The following ATXN7L2 variants were observed in gnomAD, a reference collection of about 807,000 sequenced individuals.
ATXN7L2 encodes the protein ataxin-7-like protein 2.
Under a neutral mutation model 59.6 loss-of-function variants are expected in ATXN7L2, and 17 were observed. The observed-to-expected ratio is 0.29, with a 90% confidence interval of 0.20 to 0.43. The LOEUF is 0.43. Ranked by LOEUF, ATXN7L2 falls within the 20% of genes least tolerant of loss-of-function variation. The probability of loss-of-function intolerance (pLI) is 1.00; values close to 1 mark genes in which losing one functional copy is unlikely to be tolerated. For synonymous variants in ATXN7L2, 378 were observed against 392.5 expected (o/e 0.96, Z 0.44); for missense variants, 858 against 1,008.9 (o/e 0.85, Z 2.03).
intron 1 of ATXN7L2, 131 bp downstream of exon 1, chr1:109,484,211 C>G: frequency 1.0e-6 from 1 of 1,000,250 alleles, no homozygotes; most frequent in East Asian, 3.5e-5. Flanking sequence ...AACAAAGGAC[C>G]CGCCGGGTCC....
At chr1:109,485,723 A>G (rs1194501227) in intron 1 of ATXN7L2, 1 of 1,031,614 alleles carries the variant, frequency 9.7e-7, no homozygotes, top group African/African-American at 1.7e-5. Flanking sequence ...CCAACTAGTT[A>G]GCAGTGGAAC....
Position 109,488,331 on chromosome 1 carries a change from T to G in ATXN7L2, c.797-52T>G. ...TTGGCAGGAAGCGGCCAAATCCTCC[T>G]GTAAACTCCTGGAAATGGTCTTGAG... On this transcript the variant is annotated intron_variant, in intron 5 of 10. Transcript: ENST00000683729. This position sits in a 1 kb window ranked among gnomAD's most constrained non-coding sequence, Gnocchi z 5.0. 6.5e-7 allele frequency: 1 copy of G among 1,527,202 alleles called. No homozygotes were observed. The highest frequency in any genetic ancestry group is 8.9e-7 in the Non-Finnish European group (1 of 1,119,980). The allele number at this position is 1,527,202 out of a possible 1,614,324, so 94.6% of individuals were successfully genotyped here.
At chr1:109,492,335 T>C (rs1270060608) in intron 10 of ATXN7L2, among the ~76,000 whole-genome samples, 3 of 152,178 alleles carry the variant, frequency 2.0e-5, no homozygotes, top group Non-Finnish European at 2.9e-5. Flanking sequence ...AGGAGGGACT[T>C]ACTGGAGGTG....
chr1:109,491,400 C>T lies in ATXN7L2; in HGVS notation c.1933C>T (p.Leu645Phe), dbSNP rs1657053970. 1 of 1,614,256 alleles carries T rather than the reference C, an allele frequency of 6.2e-7. No individual in the cohort carries two copies. The highest frequency in any genetic ancestry group is 8.5e-7 in the Non-Finnish European group (1 of 1,180,054). ...AKTKTALSMGLNGTMGPRVKR... is the reference protein window; with the variant it reads ...AKTKTALSMGFNGTMGPRVKR... ...AACTAAAACAGCCCTGAGCATGGGG[C>T]TTAATGGGACAATGGGGCCAAGAGT... The change falls in exon 10 of 11, where the codon CTT becomes TTT. Residue 645 changes from leucine to phenylalanine, a missense_variant. Around this residue, in one of 3 missense-constraint regions of ATXN7L2, gnomAD observed 734 missense variants for 862.3 expected, o/e 0.85. Transcript: ENST00000683729. This position sits in a 1 kb window ranked among gnomAD's most constrained non-coding sequence, Gnocchi z 4.1.
rs1656953244 is a variant in ATXN7L2 at position 109,490,368 on chromosome 1, G to A, written c.1430G>A (p.Arg477Gln). ...TCAGCACTCAGCTCCATGCTGGAAC[G>A]GCACCTCAGCACACACATGTGGAAG... ...FCSALSSMLE[R>Q]HLSTHMWKKI... The change falls in exon 9 of 11, where the codon CGG becomes CAG. Residue 477 changes from arginine (R) to glutamine (Q), a missense_variant. Arg to Gln is a conservative substitution (Grantham distance 43, BLOSUM62 1). Coordinates refer to ENST00000683729, the MANE Select transcript of ATXN7L2 (RefSeq NM_001350175.2). The A allele has an allele frequency of 1.9e-6, 3 of 1,613,520 alleles. No individual in the cohort carries two copies. Among genetic ancestry groups the A allele is most frequent in the South Asian group, 1.1e-5 (1 of 91,084 alleles).
chr1:109,490,450 A>G lies in ATXN7L2; in HGVS notation c.1454+58A>G, dbSNP rs1040673539. 17 of 1,585,490 alleles carry G rather than the reference A, an allele frequency of 1.1e-5. No individual in the cohort carries two copies. In the African/African-American group the frequency reaches 1.1e-4, roughly 10 times the overall value. On this transcript the variant is annotated intron_variant, in intron 9 of 10. Coordinates refer to ENST00000683729, the MANE Select transcript of ATXN7L2 (RefSeq NM_001350175.2). ...GAATGGAAATTCCTAGGTTCCAGAC[A>G]TACTTGGGCTTCAGAAGCCCTGATC... is the stretch of plus-strand genomic sequence containing the variant.
Position 109,491,310 on chromosome 1 carries a change from C to T in ATXN7L2, c.1843C>T (p.Arg615Trp), listed in dbSNP as rs527573916. The change falls in exon 10 of 11, where the codon CGG becomes TGG. Residue 615 changes from arginine (R) to tryptophan (W), a missense_variant. Physicochemically the swap from Arg to Trp is moderately radical, Grantham distance 101 (BLOSUM62 -3). Coordinates refer to ENST00000683729, the MANE Select transcript of ATXN7L2 (RefSeq NM_001350175.2). The surrounding 1 kb of genome is among the most constrained non-coding windows in gnomAD (Gnocchi z 4.1). ...ATCCCCTGGCCCTACCACTCTTAAA[C>T]GGACCTGCATCCTGGAGCCCACTGG... ...KLSPGPTTLK[R>W]TCILEPTGKG... 12 of 1,614,250 alleles carry T rather than the reference C, an allele frequency of 7.4e-6. No individual in the cohort carries two copies. The highest frequency in any genetic ancestry group is 2.2e-5 in the South Asian group (2 of 91,086).
In ATXN7L2 at chr1:109,486,079, C is replaced by CA; in HGVS notation, c.155dup (p.Asn52LysfsTer12). The CA allele has an allele frequency of 6.3e-7, 1 of 1,599,032 alleles. No individual in the cohort carries two copies. Among genetic ancestry groups the CA allele is most frequent in the East Asian group, 2.3e-5 (1 of 44,098 alleles). Reference sequence around the variant, plus strand: ...TAGGGGCTGAGCTGGAGGAGAGTAGCAAAAACACGAAGAAGTTGGATGCCA... The same window carrying CA: ...TAGGGGCTGAGCTGGAGGAGAGTAGCAAAAAACACGAAGAAGTTGGATGCCA... On this transcript the variant is annotated frameshift_variant, in exon 2 of 11. Coordinates refer to ENST00000683729, the MANE Select transcript of ATXN7L2 (RefSeq NM_001350175.2). LOFTEE classifies it high-confidence loss of function. The surrounding 1 kb of genome is among the most constrained non-coding windows in gnomAD (Gnocchi z 4.3).
At chr1:109,485,250 A>G (rs1571077468) in intron 1 of ATXN7L2, 1 of 818,348 alleles carries the variant, frequency 1.2e-6, no homozygotes, top group African/African-American at 4.7e-5. Context: ...GGGGGCGTAG[A>G]GGAGGGAGGG....
At chr1:109,489,633 G>A (rs1019838966) in intron 7 of ATXN7L2, 1 of 500,512 alleles carries the variant, frequency 2.0e-6, no homozygotes, top group Non-Finnish European at 3.6e-6. Context: ...GCTGGGTACA[G>A]TTTTAACTGT....
intron 4 of ATXN7L2, 149 bp downstream of exon 4, chr1:109,487,366 G>A: frequency 8.6e-7 from 1 of 1,160,750 alleles, no homozygotes; most frequent in Non-Finnish European, 1.2e-6. Flanking sequence ...ATATTCCAGG[G>A]AAGATGGGGT....
At position 109,492,729 on chromosome 1, in the gene ATXN7L2, C is replaced by T. The variant is rs1309113324; in HGVS notation, c.*129C>T. ...TTAAGAAAAAAAGCTCTTTAAAATA[C>T]CTCAAGACTGTCTCCCTGTTCTGTT... On this transcript the variant is annotated 3_prime_UTR_variant, in exon 11 of 11. Coordinates refer to ENST00000683729, the MANE Select transcript of ATXN7L2 (RefSeq NM_001350175.2). 5 of 1,065,630 alleles carry T rather than the reference C, an allele frequency of 4.7e-6. No individual in the cohort carries two copies. The highest frequency in any genetic ancestry group is 4.8e-5 in the Admixed American group (2 of 42,100). 66.0% of individuals were successfully genotyped at this position (1,065,630 alleles called of 1,614,324 possible).
Position 109,488,975 on chromosome 1 carries a change from G to T in ATXN7L2, c.1008G>T (p.Glu336Asp), listed in dbSNP as rs1473739486. 6.2e-7 allele frequency: 1 copy of T among 1,614,060 alleles called. No homozygotes were observed. The highest frequency in any genetic ancestry group is 8.5e-7 in the Non-Finnish European group (1 of 1,180,020). The change falls in exon 7 of 11, where the codon GAG becomes GAT. Residue 336 changes from glutamate (E) to aspartate (D), a missense_variant. Glu to Asp is a conservative substitution (Grantham distance 45). Coordinates refer to ENST00000683729, the MANE Select transcript of ATXN7L2 (RefSeq NM_001350175.2). This position sits in a 1 kb window ranked among gnomAD's most constrained non-coding sequence, Gnocchi z 5.0. ...SPKEKSPGRK[E>D]QVLERPSQEL... ...AGGAGAAGAGCCCAGGGCGCAAGGA[G>T]CAAGTTCTCGAGCGCCCCTCCCAGG...
intron 7 of ATXN7L2, chr1:109,489,649 T>G (rs965269647): frequency 2.0e-6 from 1 of 511,714 alleles, no homozygotes; most frequent in African/African-American, 2.0e-5. Flanking sequence ...ACTGTGAAGA[T>G]TTTCTGGAGG....
At position 109,489,362 on chromosome 1, in the gene ATXN7L2, A is replaced by T; in HGVS notation, c.1133+262A>T. ...ATGAACATTTTCCCAGCTGCCTCCA[A>T]CAGACCGAAACTTGTCACTGGGGAG... On this transcript the variant is annotated intron_variant, in intron 7 of 10. Coordinates refer to ENST00000683729, the MANE Select transcript of ATXN7L2 (RefSeq NM_001350175.2). 4 of 515,380 alleles carry T rather than the reference A, an allele frequency of 7.8e-6. No individual in the cohort carries two copies. The South Asian group carries it at 1.1e-4, about 14-fold the overall frequency. 31.9% of individuals were successfully genotyped at this position (515,380 alleles called of 1,614,324 possible).
chr1:109,488,813 C>T lies in ATXN7L2; in HGVS notation c.880-34C>T. 6.3e-7 allele frequency: 1 copy of T among 1,599,174 alleles called. No homozygotes were observed. On this transcript the variant is annotated intron_variant, in intron 6 of 10. Coordinates refer to ENST00000683729, the MANE Select transcript of ATXN7L2 (RefSeq NM_001350175.2). This position sits in a 1 kb window ranked among gnomAD's most constrained non-coding sequence, Gnocchi z 5.0. ...TCCCTCACCCCTTCTCAGTTCATACCTACTCCCCAGCTCTCCACTCTGCTG... is the reference window on the plus strand; with the variant it reads ...TCCCTCACCCCTTCTCAGTTCATACTTACTCCCCAGCTCTCCACTCTGCTG...
In ATXN7L2 at chr1:109,486,091, G is replaced by A; in HGVS notation, c.162G>A (p.Lys54=). Residue 54 remains lysine (K), a synonymous_variant, in exon 2 of 11, where the codon AAG becomes AAA. Coordinates refer to ENST00000683729, the MANE Select transcript of ATXN7L2 (RefSeq NM_001350175.2). The surrounding 1 kb of genome is among the most constrained non-coding windows in gnomAD (Gnocchi z 4.3). ...AELEESSKNT[K]KLDAMTLIKE... is the part of the protein sequence containing the mutation. Reference sequence around the variant, plus strand: ...TGGAGGAGAGTAGCAAAAACACGAAGAAGTTGGATGCCATGACCCTCATTA... The same window carrying A: ...TGGAGGAGAGTAGCAAAAACACGAAAAAGTTGGATGCCATGACCCTCATTA... 6.2e-7 allele frequency: 1 copy of A among 1,601,374 alleles called. No homozygotes were observed. The highest frequency in any genetic ancestry group is 8.5e-7 in the Non-Finnish European group (1 of 1,175,192).
At chr1:109,485,167 A>C in intron 1 of ATXN7L2, 1 of 686,948 alleles carries the variant, frequency 1.5e-6, no homozygotes, top group Non-Finnish European at 1.8e-6. Flanking sequence ...GTCTGGGTGC[A>C]TTGAGAACCG....
At chr1:109,489,180 G>C (rs1165228996) in intron 7 of ATXN7L2, 80 bp downstream of exon 7, 1 of 1,521,522 alleles carries the variant, frequency 6.6e-7, no homozygotes, top group Admixed American at 2.0e-5. Context: ...AACAGGCTCA[G>C]GGAGTGTCCT....
Sources: allele counts gnomAD v4.1 joint callset (sites outside exome capture counted in the v4.1 genomes callset), GRCh38; gene constraint gnomAD v4.1.1; regional missense constraint gnomAD v4.1.1; non-coding constraint Gnocchi (gnomAD v3.1); transcripts MANE v1.5; gene names NCBI Gene and HGNC (gene_info 2026-07-23, HGNC 2026-07-21).